ANKRD11: variants seen among roughly 807,000 people sequenced by gnomAD.
The protein encoded by ANKRD11 is ankyrin repeat domain-containing protein 11.
In ANKRD11, 17 loss-of-function variants were observed where a neutral mutation model predicts 195.7. That is an observed-to-expected ratio of 0.09 (90% CI 0.06 to 0.13). The LOEUF (loss-of-function observed/expected upper bound fraction) is 0.13. Ranked by LOEUF, ANKRD11 falls within the 10% of genes least tolerant of loss-of-function variation. The pLI, the probability that ANKRD11 is intolerant of heterozygous loss-of-function variation, is 1.00. For synonymous variants in ANKRD11, 1,953 were observed against 1,528.1 expected (o/e 1.28, Z -6.49); for missense variants, 3,735 against 3,566.1 (o/e 1.05, Z -1.21).
Position 89,284,911 on chromosome 16 carries a change from T to A in ANKRD11, c.1631A>T (p.Lys544Met). ...QNPSHTDQHT[K>M]HWRTDNWKTI... is the part of the protein sequence containing the mutation. ...TTTCCAATTGTCTGTCCGCCAGTGCTTGGTGTGCTGGTCTGTGTGGCTGGG... is the reference window on the plus strand; with the variant it reads ...TTTCCAATTGTCTGTCCGCCAGTGCATGGTGTGCTGGTCTGTGTGGCTGGG... Residue 544 changes from lysine (K) to methionine (M), a missense_variant, in exon 9 of 13, where the codon AAG becomes ATG. Lys to Met is a moderately conservative substitution (Grantham distance 95). Coordinates refer to ENST00000301030, the MANE Select transcript of ANKRD11 (RefSeq NM_013275.6). 1 of 1,614,148 alleles carries A rather than the reference T, an allele frequency of 6.2e-7. No homozygotes were observed. Among genetic ancestry groups the A allele is most frequent in the South Asian group, 1.1e-5 (1 of 91,084 alleles).
chr16:89,426,121 G>A (rs1268664151), intron 1 of ANKRD11, among the ~76,000 whole-genome samples: 2 of 152,132 alleles, frequency 1.3e-5, no homozygotes, highest in Admixed American at 6.6e-5. Context: ...TCCGACTCCT[G>A]CCAAAACCTT....
At chr16:89,489,876 C>G (rs2057758922) in intron 1 of ANKRD11, among the ~76,000 whole-genome samples, 1 of 143,966 alleles carries the variant, frequency 6.9e-6, no homozygotes, top group African/African-American at 2.6e-5. Context: ...CCCCTCAGAG[C>G]CGCCGCGGGC....
At chr16:89,474,724 T>G (rs1009329193) in intron 1 of ANKRD11, among the ~76,000 whole-genome samples, 6 of 152,196 alleles carry the variant, frequency 3.9e-5, no homozygotes, top group African/African-American at 1.2e-4. Flanking sequence ...AACTCACAGC[T>G]TCAATTATTT....
intron 1 of ANKRD11, among the ~76,000 whole-genome samples, chr16:89,424,270 C>T (rs1423541511): frequency 6.6e-6 from 1 of 152,030 alleles, no homozygotes; most frequent in African/African-American, 2.4e-5. Context: ...GGAGAAACCC[C>T]GTCTGTACTA....
At chr16:89,315,226 C>T (rs973635597) in intron 3 of ANKRD11, among the ~76,000 whole-genome samples, 1 of 152,172 alleles carries the variant, frequency 6.6e-6, no homozygotes, top group Non-Finnish European at 1.5e-5. Flanking sequence ...GGGGCGAGGC[C>T]TGAGCTGTAT....
At chr16:89,329,773 C>G (rs2037948178) in intron 2 of ANKRD11, among the ~76,000 whole-genome samples, 1 of 152,114 alleles carries the variant, frequency 6.6e-6, no homozygotes, top group Admixed American at 6.5e-5. Flanking sequence ...GTCTGGGAGG[C>G]CCAGGCAGGC....
intron 9 of ANKRD11, among the ~76,000 whole-genome samples, chr16:89,275,823 T>C (rs2033608605): frequency 6.6e-6 from 1 of 151,764 alleles, no homozygotes; most frequent in Admixed American, 6.6e-5. Flanking sequence ...TGGAAGTGAA[T>C]GAGGAAGTAA....
intron 1 of ANKRD11, among the ~76,000 whole-genome samples, chr16:89,467,992 C>CG (rs1196166016): frequency 1.3e-5 from 2 of 152,042 alleles, no homozygotes; most frequent in Middle Eastern, 3.4e-3. Context: ...TTAGTAGAGA[C>CG]GGGGTTTGGT....
At chr16:89,273,963 G>T (rs2033412860) in intron 11 of ANKRD11, among the ~76,000 whole-genome samples, 1 of 152,202 alleles carries the variant, frequency 6.6e-6, no homozygotes, top group Admixed American at 6.5e-5. Context: ...ACGTCCCACT[G>T]CACAGGATGT....
At chr16:89,270,611 G>A (rs989867930) in intron 12 of ANKRD11, 2 of 620,164 alleles carry the variant, frequency 3.2e-6, no homozygotes, top group East Asian at 5.7e-5. Flanking sequence ...GGGACAGAAG[G>A]GAAGACTGAG....
Position 89,368,202 on chromosome 16 carries a change from C to CT in ANKRD11, c.-60+50081dup, listed in dbSNP as rs796397106. Among the ~76,000 whole-genome samples the CT allele has an allele frequency of 2.5e-3, 359 of 144,690 alleles. 2 individuals carry two copies. Among genetic ancestry groups the CT allele is most frequent in the African/African-American group, 6.2e-3 (245 of 39,602 alleles). 94.9% of individuals were successfully genotyped at this position (144,690 alleles called of 152,430 possible). On this transcript the variant is annotated intron_variant, in intron 2 of 12. Coordinates refer to ENST00000301030, the MANE Select transcript of ANKRD11 (RefSeq NM_013275.6). Reference sequence around the variant, plus strand: ...TGTCCACTCTTAACATGTTTTCGAGCTTTTTTTTTTTGATACAGATTCTTG... The same window carrying CT: ...TGTCCACTCTTAACATGTTTTCGAGCTTTTTTTTTTTTGATACAGATTCTTG...
chr16:89,279,933 G>T lies in ANKRD11; in HGVS notation c.6609C>A (p.Leu2203=), dbSNP rs993671847. Residue 2203 remains leucine, a synonymous_variant, in exon 9 of 13, where the codon CTC becomes CTA. Transcript: ENST00000301030. This position sits in a 1 kb window ranked among gnomAD's most constrained non-coding sequence, Gnocchi z 5.6. ...TTGGCTCCCCTGAGGGCTCAGGCTC[G>T]AGCTCTGCAGGGAGCCGGGTGGAGG... ...DQASTRLPAE[L]EPEPSGEPKL... The T allele has an allele frequency of 6.2e-7, 1 of 1,610,110 alleles. No homozygotes were observed. The highest frequency in any genetic ancestry group is 2.2e-5 in the East Asian group (1 of 44,868).
At chr16:89,412,887 G>A (rs1442648072) in intron 2 of ANKRD11, among the ~76,000 whole-genome samples, 2 of 152,166 alleles carry the variant, frequency 1.3e-5, no homozygotes, top group African/African-American at 4.8e-5. Flanking sequence ...CAGGTCAGCA[G>A]AGGACAGAGG....
At chr16:89,362,781 C>T (rs1162220774) in intron 2 of ANKRD11, among the ~76,000 whole-genome samples, 1 of 152,222 alleles carries the variant, frequency 6.6e-6, no homozygotes, top group African/African-American at 2.4e-5. Flanking sequence ...CGGCCTGTTC[C>T]TCTTCCTTAG....
chr16:89,455,221 T>A (rs1432726000), intron 1 of ANKRD11, among the ~76,000 whole-genome samples: 1 of 143,312 alleles, frequency 7.0e-6, no homozygotes, highest in Non-Finnish European at 1.5e-5. Context: ...GCTTCTAGGG[T>A]TCCTCAAGCT....
At chr16:89,430,026 A>G (rs550838662) in intron 1 of ANKRD11, among the ~76,000 whole-genome samples, 38 of 118,372 alleles carry the variant, frequency 3.2e-4, no homozygotes, top group Admixed American at 5.8e-4. Context: ...CTCAACTCTC[A>G]CGCTCAGTCG....
chr16:89,297,162 A>G (rs2035491724), intron 4 of ANKRD11, among the ~76,000 whole-genome samples: 1 of 152,220 alleles, frequency 6.6e-6, no homozygotes, highest in Admixed American at 6.5e-5. Context: ...TGCCTTTTGT[A>G]TCAATCATTT....
intron 1 of ANKRD11, among the ~76,000 whole-genome samples, chr16:89,470,712 G>A (rs539174106): frequency 3.6e-4 from 54 of 151,520 alleles, no homozygotes; most frequent in Middle Eastern, 6.8e-3. Context: ...GGGCGTGGCC[G>A]GGCGCGGTGG....
intron 2 of ANKRD11, among the ~76,000 whole-genome samples, chr16:89,363,152 G>T (rs774864062): frequency 6.6e-6 from 1 of 152,062 alleles, no homozygotes; most frequent in Non-Finnish European, 1.5e-5. Context: ...AAACAGCTGG[G>T]AACACGCCTA....
Sources: allele counts gnomAD v4.1 joint callset (sites outside exome capture counted in the v4.1 genomes callset), GRCh38; gene constraint gnomAD v4.1.1; non-coding constraint Gnocchi (gnomAD v3.1); transcripts MANE v1.5; gene names NCBI Gene and HGNC (gene_info 2026-07-23, HGNC 2026-07-21).